Variants in DPP10 observed in about 807,000 individuals in gnomAD.
The protein encoded by DPP10 is dipeptidyl peptidase like 10.
In DPP10, 33 loss-of-function variants were observed where a neutral mutation model predicts 120.9. The observed-to-expected ratio is 0.27, with a 90% CI of 0.21 to 0.37. The LOEUF (loss-of-function observed/expected upper bound fraction) is 0.37, where lower values mean the gene tolerates loss of function less well. Ranked by LOEUF, DPP10 falls within the 10% of genes least tolerant of loss-of-function variation. DPP10 has a pLI of 1.00. For synonymous variants in DPP10, 337 were observed against 326.1 expected (o/e 1.03, Z -0.36); for missense variants, 816 against 942.8 (o/e 0.87, Z 1.76).
intron 3 of DPP10, among the ~76,000 whole-genome samples, chr2:115,440,240 T>C (rs1451771491): frequency 6.6e-6 from 1 of 152,148 alleles, no homozygotes; most frequent in East Asian, 1.9e-4. Flanking sequence ...AGTTTTTCTT[T>C]GCTAAGGAAA....
chr2:115,024,680 GAGAC>G (rs1448675069), intron 1 of DPP10, among the ~76,000 whole-genome samples: 4 of 147,734 alleles, frequency 2.7e-5, no homozygotes, highest in Non-Finnish European at 6.0e-5. Flanking sequence ...TGTATATAGA[GAGAC>G]AGAACCTTAA....
chr2:114,587,436 T>G (rs562184067), intron 1 of DPP10, among the ~76,000 whole-genome samples: 2 of 151,688 alleles, frequency 1.3e-5, no homozygotes, highest in East Asian at 3.9e-4. Flanking sequence ...TTAAACTGAT[T>G]TTTTTTTTCA....
chr2:114,847,053 C>CTATCATATCATATCATATCA (rs143276942), intron 1 of DPP10, among the ~76,000 whole-genome samples: 157 of 152,044 alleles, frequency 1.0e-3, no homozygotes, highest in African/African-American at 3.7e-3. Flanking sequence ...GGCAGTGGTG[C>CTATCATATCATATCATATCA]TATCATATCA....
At chr2:114,515,517 CA>C (rs1394799211) in intron 1 of DPP10, among the ~76,000 whole-genome samples, 1 of 151,986 alleles carries the variant, frequency 6.6e-6, no homozygotes, top group Non-Finnish European at 1.5e-5. Context: ...ACGTAGGTCT[CA>C]AATAAAGGTG....
intron 5 of DPP10, among the ~76,000 whole-genome samples, chr2:115,687,511 A>G (rs921266490): frequency 5.3e-5 from 8 of 151,926 alleles, no homozygotes; most frequent in African/African-American, 1.9e-4. Flanking sequence ...AGATAGATAG[A>G]TAGATAGATA....
chr2:115,176,849 G>A (rs774362097), intron 1 of DPP10, among the ~76,000 whole-genome samples: 2 of 152,218 alleles, frequency 1.3e-5, no homozygotes, highest in Non-Finnish European at 2.9e-5. Context: ...TGGAGTCCAT[G>A]CCCTTGTCTG....
At chr2:114,855,626 A>G (rs1205979310) in intron 1 of DPP10, among the ~76,000 whole-genome samples, 1 of 152,304 alleles carries the variant, frequency 6.6e-6, no homozygotes, top group East Asian at 1.9e-4. Flanking sequence ...TGTTCCTATC[A>G]TCTAGTTCAC....
chr2:115,767,573 AGT>A (rs1036222526), intron 12 of DPP10, among the ~76,000 whole-genome samples: 54 of 151,246 alleles, frequency 3.6e-4, no homozygotes, highest in African/African-American at 9.2e-4. Context: ...ATAAATATAT[AGT>A]GTGTGTGTGT....
intron 1 of DPP10, among the ~76,000 whole-genome samples, chr2:114,986,431 T>C (rs924285087): frequency 1.3e-5 from 2 of 152,194 alleles, no homozygotes; most frequent in Non-Finnish European, 2.9e-5. Context: ...TCCACCATTC[T>C]CAGCAATATC....
intron 3 of DPP10, among the ~76,000 whole-genome samples, chr2:115,356,686 G>C (rs1239727423): frequency 6.6e-6 from 1 of 152,054 alleles, no homozygotes; most frequent in Non-Finnish European, 1.5e-5. Context: ...TATTGGCTAG[G>C]GGTTTGTCAT....
At chr2:115,142,637 T>G (rs139138860) in intron 1 of DPP10, among the ~76,000 whole-genome samples, 349 of 152,322 alleles carry the variant, frequency 2.3e-3, no homozygotes, top group Middle Eastern at 0.014. Context: ...AAGCGCTAAC[T>G]GGGCAGCTTC....
chr2:115,437,390 C>G (rs1314611214), intron 3 of DPP10, among the ~76,000 whole-genome samples: 2 of 151,970 alleles, frequency 1.3e-5, no homozygotes, highest in African/African-American at 4.8e-5. Flanking sequence ...ACCCAGTGCT[C>G]CATCTCATCT....
chr2:114,508,443 C>G (rs1248274480), intron 1 of DPP10, among the ~76,000 whole-genome samples: 1 of 152,218 alleles, frequency 6.6e-6, no homozygotes, highest in East Asian at 1.9e-4. Flanking sequence ...ATTTTTATTG[C>G]TAGTAATGTT....
rs1044424803 is a variant in DPP10, at chr2:115,513,733, C to T, written c.367-12165C>T. Among the ~76,000 whole-genome samples, 15 of 152,074 alleles carry T rather than the reference C, an allele frequency of 9.9e-5. No individual in the cohort carries two copies. The East Asian group carries it at 2.7e-3, about 27-fold the overall frequency. On this transcript the variant is annotated intron_variant, in intron 4 of 25. Coordinates refer to ENST00000410059, the MANE Select transcript of DPP10 (RefSeq NM_020868.6). The stretch of plus-strand genomic sequence containing the variant: ...TTTATATGTTATAACCCAATCAACA[C>T]GCTTTTATAATAATTGTTTTTATGC...
intron 21 of DPP10, among the ~76,000 whole-genome samples, chr2:115,832,260 G>T (rs955553604): frequency 1.3e-5 from 2 of 152,182 alleles, no homozygotes; most frequent in Non-Finnish European, 2.9e-5. Flanking sequence ...AGGCCAAGGC[G>T]AGTGGATCAC....
chr2:114,664,644 AAAAAG>A (rs1292005913), intron 1 of DPP10, among the ~76,000 whole-genome samples: 53 of 148,006 alleles, frequency 3.6e-4, no homozygotes, highest in African/African-American at 1.2e-3. Context: ...AAAAAAAAAA[AAAAAG>A]AAAGAAAGAA....
intron 3 of DPP10, among the ~76,000 whole-genome samples, chr2:115,462,055 G>C (rs977508189): frequency 6.6e-6 from 1 of 152,064 alleles, no homozygotes. Flanking sequence ...AAAGAATTGG[G>C]ATTTCAACAA....
At chr2:114,763,460 T>C (rs779137463) in intron 1 of DPP10, among the ~76,000 whole-genome samples, 3 of 152,200 alleles carry the variant, frequency 2.0e-5, no homozygotes, top group Non-Finnish European at 4.4e-5. Flanking sequence ...CAAAAGTGAT[T>C]AACTTTTTCA....
At position 114,981,222 on chromosome 2, in the gene DPP10, G is replaced by A. The variant is rs559068931; in HGVS notation, c.61-328017G>A. 3.3e-5 allele frequency among the ~76,000 whole-genome samples: 5 copies of A among 151,956 alleles called. No individual in the cohort carries two copies. The South Asian group carries it at 8.3e-4, about 25-fold the overall frequency. On this transcript the variant is annotated intron_variant, in intron 1 of 25. Transcript: ENST00000410059. ...GGGCTATACGATGTCTGTGCAAAGG[G>A]CCCCCTACCACATTCTACGACATTT... is the stretch of plus-strand genomic sequence containing the variant.
Sources: allele counts gnomAD v4.1 joint callset (sites outside exome capture counted in the v4.1 genomes callset), GRCh38; gene constraint gnomAD v4.1.1; transcripts MANE v1.5; gene names NCBI Gene and HGNC (gene_info 2026-07-23, HGNC 2026-07-21).